Variants in TTYH2 observed in about 807,000 individuals in gnomAD.
TTYH2 encodes tweety family member 2.
Under a neutral mutation model 68.3 loss-of-function variants are expected in TTYH2, and 49 were observed. The ratio of observed to expected loss-of-function variants is 0.72; its 90% confidence interval spans 0.57 to 0.91. The LOEUF is 0.91. TTYH2 is among the 40% of genes least tolerant of loss of function. TTYH2 has a pLI of 0.00. For missense variants in TTYH2, 631 were observed against 700.4 expected, an observed-to-expected ratio of 0.90 and a Z score of 1.12; for synonymous variants, 272 against 300.8, an observed-to-expected ratio of 0.90 and a Z score of 0.99.
chr17:74,244,212 A>C, intron 6 of TTYH2, 163 bp downstream of exon 6: 1 of 649,456 alleles, frequency 1.5e-6, no homozygotes, highest in Non-Finnish European at 2.6e-6. Flanking sequence ...CTCTCGTTAC[A>C]GATGGGGAAA....
chr17:74,252,735 T>C (rs527567738), intron 11 of TTYH2, among the ~76,000 whole-genome samples: 1 of 152,296 alleles, frequency 6.6e-6, no homozygotes, highest in Admixed American at 6.5e-5. Context: ...GAAGGATACA[T>C]GGGGTCACTG....
At chr17:74,250,223 C>T (rs769901818) in intron 9 of TTYH2, 42 bp from the exon 10 acceptor site, 17 of 1,568,840 alleles carry the variant, frequency 1.1e-5, no homozygotes, top group African/African-American at 2.9e-5. Context: ...GCCAGCTCTC[C>T]TCCACAGCCC....
At chr17:74,221,063 G>A (rs905831476) in intron 1 of TTYH2, among the ~76,000 whole-genome samples, 1 of 152,154 alleles carries the variant, frequency 6.6e-6, no homozygotes, top group Non-Finnish European at 1.5e-5. Flanking sequence ...CAAAGTGCTG[G>A]GATATAGGCG....
intron 6 of TTYH2, among the ~76,000 whole-genome samples, chr17:74,245,681 G>T (rs550624475): frequency 2.0e-5 from 3 of 152,270 alleles, no homozygotes; most frequent in Non-Finnish European, 4.4e-5. Context: ...GGAGCAGGCG[G>T]TGGAGCTGAA....
intron 1 of TTYH2, among the ~76,000 whole-genome samples, chr17:74,221,530 G>T (rs2050275789): frequency 1.3e-5 from 2 of 152,224 alleles, no homozygotes; most frequent in Admixed American, 6.5e-5. Context: ...TATTGGGGGT[G>T]CATGGGAAGC....
chr17:74,220,943 T>C (rs2050269884), intron 1 of TTYH2, among the ~76,000 whole-genome samples: 1 of 152,170 alleles, frequency 6.6e-6, no homozygotes, highest in African/African-American at 2.4e-5. Flanking sequence ...GATGCCACCA[T>C]GCCCAGCTAA....
In TTYH2 at chr17:74,260,152, C is replaced by A; in HGVS notation, c.1548C>A (p.Thr516=). ...PPTYSPSMRA[T]YLSVADEHLR... ...AGTACTCTCCCAGCATGAGAGCCAC[C>A]TACCTGTCTGTGGCGGATGAGCACC... The change falls in exon 14 of 14, where the codon ACC becomes ACA. Residue 516 remains threonine, a synonymous_variant. Coordinates refer to ENST00000269346, the MANE Select transcript of TTYH2 (RefSeq NM_032646.6). 6.2e-7 allele frequency: 1 copy of A among 1,613,906 alleles called. No homozygotes were observed. The highest frequency in any genetic ancestry group is 1.1e-5 in the South Asian group (1 of 91,072).
chr17:74,217,369 G>T lies in TTYH2; in HGVS notation c.129+3653G>T, dbSNP rs2050230951. Among the ~76,000 whole-genome samples, 1 of 152,162 alleles carries T rather than the reference G, an allele frequency of 6.6e-6. No individual in the cohort carries two copies. Among genetic ancestry groups the T allele is most frequent in the Non-Finnish European group, 1.5e-5 (1 of 68,014 alleles). On this transcript the variant is annotated intron_variant, in intron 1 of 13. Transcript: ENST00000269346. The surrounding 1 kb of genome is among the most constrained non-coding windows in gnomAD (Gnocchi z 4.0). ...ATGTATTTCCACGTGTTCTCTCATT[G>T]GTTGGTTCCGTTCATAGATTCGCCA...
intron 3 of TTYH2, among the ~76,000 whole-genome samples, 170 bp downstream of exon 3, chr17:74,231,169 G>A (rs1429962601): frequency 6.6e-6 from 1 of 152,208 alleles, no homozygotes; most frequent in Admixed American, 6.5e-5. Context: ...TGGGGCAAAT[G>A]GGCAATTGTG....
In TTYH2 at chr17:74,214,246, G is replaced by C. The variant is rs2050200520; in HGVS notation, c.129+530G>C. ...CTCCTCCCCAGCCCCGGCCTGCAGGGTGGGAGTCTCAGCTGGAAGGCTGCA... is the reference window on the plus strand; with the variant it reads ...CTCCTCCCCAGCCCCGGCCTGCAGGCTGGGAGTCTCAGCTGGAAGGCTGCA... On this transcript the variant is annotated intron_variant, in intron 1 of 13. Transcript: ENST00000269346. The surrounding 1 kb of genome is among the most constrained non-coding windows in gnomAD (Gnocchi z 4.6). Among the ~76,000 whole-genome samples, 1 of 152,182 alleles carries C rather than the reference G, an allele frequency of 6.6e-6. No individual in the cohort carries two copies. The highest frequency in any genetic ancestry group is 2.4e-5 in the African/African-American group (1 of 41,446).
At chr17:74,219,122 C>T (rs1481713598) in intron 1 of TTYH2, among the ~76,000 whole-genome samples, 1 of 151,680 alleles carries the variant, frequency 6.6e-6, no homozygotes, top group Non-Finnish European at 1.5e-5. Flanking sequence ...GAGGCTGAGG[C>T]AGGAGAATCA....
At chr17:74,220,587 C>T (rs1453458576) in intron 1 of TTYH2, among the ~76,000 whole-genome samples, 1 of 152,196 alleles carries the variant, frequency 6.6e-6, no homozygotes, top group Non-Finnish European at 1.5e-5. Flanking sequence ...GGTGAAGGGG[C>T]ATGGACTGAG....
intron 13 of TTYH2, among the ~76,000 whole-genome samples, chr17:74,255,615 C>T (rs749982450): frequency 2.0e-5 from 3 of 152,066 alleles, no homozygotes; most frequent in Non-Finnish European, 4.4e-5. Context: ...CCACACCTGG[C>T]TAATTTTTGT....
At chr17:74,225,463 G>A (rs973718177) in intron 2 of TTYH2, among the ~76,000 whole-genome samples, 11 of 152,294 alleles carry the variant, frequency 7.2e-5, no homozygotes, top group East Asian at 3.9e-4. Context: ...AAGAGGTAGC[G>A]TGACCCGATA....
Position 74,249,405 on chromosome 17 carries a change from G to GC in TTYH2, c.930+12dup, listed in dbSNP as rs765429925. On this transcript the variant is annotated splice_region_variant and intron_variant, in intron 8 of 13. Coordinates refer to ENST00000269346, the MANE Select transcript of TTYH2 (RefSeq NM_032646.6). ...GAAGCAGCCCCTTCCAGCAGGTATG[G>GC]CCCCCCGAGGCCTGCCCTCACCCTG... The GC allele has an allele frequency of 5.6e-6, 9 of 1,613,400 alleles. No homozygotes were observed. Among genetic ancestry groups the GC allele is most frequent in the Non-Finnish European group, 7.6e-6 (9 of 1,180,006 alleles).
intron 2 of TTYH2, among the ~76,000 whole-genome samples, chr17:74,229,989 G>A (rs191807210): frequency 1.9e-3 from 295 of 152,284 alleles, no homozygotes; most frequent in Admixed American, 3.2e-3. Context: ...AAATTAGCCA[G>A]GCGTGGTGGC....
chr17:74,227,321 C>T (rs913348573), intron 2 of TTYH2, among the ~76,000 whole-genome samples: 2 of 152,122 alleles, frequency 1.3e-5, no homozygotes, highest in Admixed American at 6.6e-5. Flanking sequence ...CCTGGCCCAT[C>T]GCTGATAAAC....
At position 74,253,782 on chromosome 17, in the gene TTYH2, C is replaced by A. The variant is rs756734352; in HGVS notation, c.1473C>A (p.Asn491Lys). Residue 491 changes from asparagine to lysine, a missense_variant, in exon 13 of 14, where the codon AAC (asparagine) becomes AAA (lysine). Asn to Lys is a moderately conservative substitution (Grantham distance 94). Coordinates refer to ENST00000269346, the MANE Select transcript of TTYH2 (RefSeq NM_032646.6). The part of the protein sequence containing the change: ...YMNQAMLFGR[N>K]PRYENVPLIG... ...ACCAAGCCATGCTCTTTGGTAGGAA[C>A]CCACGCTACGAGAACGTGCCACTAA... 71 of 1,614,096 alleles carry A rather than the reference C, an allele frequency of 4.4e-5. No individual in the cohort carries two copies. The highest frequency in any genetic ancestry group is 5.9e-5 in the Non-Finnish European group (70 of 1,180,042).
chr17:74,252,692 T>C (rs8068992), intron 11 of TTYH2, among the ~76,000 whole-genome samples: 72,404 of 152,104 alleles, frequency 0.48, 19,610 homozygotes, highest in African/African-American at 0.74. Flanking sequence ...AGGAGAGTTC[T>C]TGGTGCTGGG....
Sources: gnomAD v4.1 joint callset for allele counts (sites outside exome capture counted in the v4.1 genomes callset) on GRCh38, gnomAD v4.1.1 for gene constraint, Gnocchi (gnomAD v3.1) non-coding constraint, MANE v1.5 for transcripts, NCBI Gene and HGNC (gene_info 2026-07-23, HGNC 2026-07-21) for gene names.